UTRN: variants seen among roughly 807,000 people sequenced by gnomAD.
UTRN encodes the protein utrophin.
A neutral mutation model predicts 463.9 loss-of-function variants in UTRN; 283 were observed. The observed-to-expected ratio is 0.61, with a 90% confidence interval of 0.55 to 0.67. The LOEUF (loss-of-function observed/expected upper bound fraction) is 0.67, where lower values mean the gene tolerates loss of function less well. UTRN is among the 30% of genes least tolerant of loss of function. The pLI is 0.00. For missense variants in UTRN, 3,922 were observed against 4,084.3 expected (o/e 0.96, Z 1.08); for synonymous variants, 1,442 against 1,431.5 (o/e 1.01, Z -0.17).
At chr6:144,787,285 AAC>A (rs1257817575) in intron 61 of UTRN, among the ~76,000 whole-genome samples, 1 of 152,204 alleles carries the variant, frequency 6.6e-6, no homozygotes, top group African/African-American at 2.4e-5. Flanking sequence ...ATAAAGTAGA[AAC>A]ACAGTTTGTA....
At position 144,774,383 on chromosome 6, in the gene UTRN, G is replaced by A. The variant is rs1238689319; in HGVS notation, c.8632+19G>A. 1 of 1,548,248 alleles carries A rather than the reference G, an allele frequency of 6.5e-7. No homozygotes were observed. The highest frequency in any genetic ancestry group is 2.4e-5 in the East Asian group (1 of 42,384). ...CTATGTTGTGAGTTATTCTACCAAAGTTAATCAATCTGTTACTTGAATTGC... is the reference window on the plus strand; with the variant it reads ...CTATGTTGTGAGTTATTCTACCAAAATTAATCAATCTGTTACTTGAATTGC... On this transcript the variant is annotated intron_variant, in intron 60 of 74. Transcript: ENST00000367545.
intron 51 of UTRN, among the ~76,000 whole-genome samples, chr6:144,673,365 G>A (rs1276143082): frequency 3.3e-5 from 5 of 151,786 alleles, no homozygotes; most frequent in South Asian, 4.2e-4. Context: ...CCTATGTTAG[G>A]TGTATGGACT....
intron 51 of UTRN, among the ~76,000 whole-genome samples, chr6:144,651,067 A>G (rs918222073): frequency 4.6e-5 from 7 of 152,008 alleles, no homozygotes; most frequent in African/African-American, 1.7e-4. Flanking sequence ...AAAATATCAT[A>G]CACTTAGCTT....
chr6:144,572,098 T>G (rs1020322798), intron 50 of UTRN, among the ~76,000 whole-genome samples: 5 of 152,198 alleles, frequency 3.3e-5, no homozygotes, highest in African/African-American at 4.8e-5. Flanking sequence ...GTGTATCCTT[T>G]GTAAGTTTTG....
At chr6:144,337,182 CACACACACACACCACA>C (rs1562263667) in intron 2 of UTRN, among the ~76,000 whole-genome samples, 8,314 of 135,784 alleles carry the variant, frequency 0.061, 780 homozygotes, top group African/African-American at 0.21. Flanking sequence ...CACACAGACA[CACACACACACACCACA>C]CACACACACA....
Position 144,396,378 on chromosome 6 carries a change from T to C in UTRN, c.80-6745T>C, listed in dbSNP as rs1253669523. Among the ~76,000 whole-genome samples the C allele has an allele frequency of 3.9e-5, 6 of 152,248 alleles. No homozygotes were observed. In the East Asian group the frequency reaches 9.6e-4, roughly 24 times the overall value. On this transcript the variant is annotated intron_variant, in intron 2 of 74. Coordinates refer to ENST00000367545, the MANE Select transcript of UTRN (RefSeq NM_007124.3). ...AGCTATTACCAGGGGCTGGTGGGTA[T>C]GGGGACTTATTGCTTAATGACAGCA...
intron 2 of UTRN, among the ~76,000 whole-genome samples, chr6:144,399,209 T>C (rs1782718935): frequency 6.6e-6 from 1 of 152,096 alleles, no homozygotes; most frequent in Non-Finnish European, 1.5e-5. Flanking sequence ...TAATATTTAT[T>C]ATTCCCATTT....
intron 3 of UTRN, among the ~76,000 whole-genome samples, chr6:144,419,023 A>G (rs1784602904): frequency 6.7e-6 from 1 of 148,342 alleles, no homozygotes; most frequent in South Asian, 2.1e-4. Flanking sequence ...TATATAATAT[A>G]TTTTTGCTAT....
At chr6:144,524,025 G>C (rs1292896675) in intron 41 of UTRN, among the ~76,000 whole-genome samples, 2 of 152,176 alleles carry the variant, frequency 1.3e-5, no homozygotes, top group African/African-American at 4.8e-5. Context: ...TAACCCAGTG[G>C]AAAGCGCTGT....
At chr6:144,761,153 A>G (rs1462853428) in intron 58 of UTRN, among the ~76,000 whole-genome samples, 1 of 152,196 alleles carries the variant, frequency 6.6e-6, no homozygotes, top group East Asian at 1.9e-4. Context: ...AAACTAGTCT[A>G]TATAGTATAA....
At position 144,715,666 on chromosome 6, in the gene UTRN, CTTCTCTCTCTCTCA is replaced by C. The variant is rs555981142; in HGVS notation, c.7810-14678_7810-14665del. On this transcript the variant is annotated intron_variant, in intron 53 of 74. Coordinates refer to ENST00000367545, the MANE Select transcript of UTRN (RefSeq NM_007124.3). Reference sequence around the variant, plus strand: ...GAACTGCAGCTCCCTCTGAGCACTCCTTCTCTCTCTCTCATTCTCTCTCTCTTCCCCCCCCACCC... The same window carrying C: ...GAACTGCAGCTCCCTCTGAGCACTCCTTCTCTCTCTCTTCCCCCCCCACCC... 2.6e-3 allele frequency among the ~76,000 whole-genome samples: 392 copies of C among 150,252 alleles called. 3 individuals are homozygous for C. The highest frequency in any genetic ancestry group is 0.021 in the South Asian group (101 of 4,734).
intron 51 of UTRN, among the ~76,000 whole-genome samples, chr6:144,648,700 G>A (rs957122789): frequency 1.3e-5 from 2 of 152,154 alleles, no homozygotes; most frequent in African/African-American, 4.8e-5. Context: ...TTAAAATCAA[G>A]CCCTAGAATT....
chr6:144,762,065 A>C (rs1470901256), intron 58 of UTRN, among the ~76,000 whole-genome samples: 1 of 152,154 alleles, frequency 6.6e-6, no homozygotes, highest in Non-Finnish European at 1.5e-5. Context: ...GATCTCTTTT[A>C]ATTCTCTCAT....
At chr6:144,610,704 G>T (rs149501937) in intron 51 of UTRN, among the ~76,000 whole-genome samples, 1 of 152,130 alleles carries the variant, frequency 6.6e-6, no homozygotes, top group African/African-American at 2.4e-5. Context: ...GTGAAACCCC[G>T]TCTCTACTAA....
chr6:144,352,647 A>C (rs1435638025), intron 2 of UTRN, among the ~76,000 whole-genome samples: 1 of 152,228 alleles, frequency 6.6e-6, no homozygotes, highest in African/African-American at 2.4e-5. Flanking sequence ...AAAGTCCTTG[A>C]GATTGCATTC....
chr6:144,729,098 T>C (rs1245243388), intron 53 of UTRN, among the ~76,000 whole-genome samples: 1 of 152,176 alleles, frequency 6.6e-6, no homozygotes, highest in Non-Finnish European at 1.5e-5. Context: ...CATGGCCTTA[T>C]TCAATCAAGC....
intron 61 of UTRN, among the ~76,000 whole-genome samples, chr6:144,785,438 A>G (rs1776216299): frequency 6.6e-6 from 1 of 152,160 alleles, no homozygotes. Flanking sequence ...GAATTTATCT[A>G]CCTATTGCAT....
chr6:144,634,212 C>T (rs568776711), intron 51 of UTRN, among the ~76,000 whole-genome samples: 1 of 152,238 alleles, frequency 6.6e-6, no homozygotes, highest in Non-Finnish European at 1.5e-5. Context: ...GTAAATAGCT[C>T]ATGAGAACTT....
chr6:144,650,128 CAGA>C (rs1778657431), intron 51 of UTRN, among the ~76,000 whole-genome samples: 1 of 152,164 alleles, frequency 6.6e-6, no homozygotes. Flanking sequence ...AGAGCTTGTG[CAGA>C]AGAACTCCCC....
Sources: gnomAD v4.1 joint callset for allele counts (sites outside exome capture counted in the v4.1 genomes callset) on GRCh38, gnomAD v4.1.1 for gene constraint, MANE v1.5 for transcripts, NCBI Gene and HGNC (gene_info 2026-07-23, HGNC 2026-07-21) for gene names.